TTC23L: variants seen among roughly 807,000 people sequenced by gnomAD.
The protein encoded by TTC23L is tetratricopeptide repeat protein 23-like.
TTC23L carries 42 observed loss-of-function variants against 48.1 expected under a neutral mutation model. The ratio of observed to expected loss-of-function variants is 0.87; its 90% CI spans 0.68 to 1.13. The LOEUF (loss-of-function observed/expected upper bound fraction) is 1.13. Among genes scored for constraint, TTC23L ranks in the 50% most tolerant of loss-of-function variants. TTC23L has a pLI of 0.00. For missense variants in TTC23L, 391 were observed against 421.0 expected, an observed-to-expected ratio of 0.93 and a Z score of 0.62; for synonymous variants, 159 against 157.2, an observed-to-expected ratio of 1.01 and a Z score of -0.09.
At chr5:34,870,155 A>G (rs1761355386) in intron 8 of TTC23L, among the ~76,000 whole-genome samples, 1 of 151,956 alleles carries the variant, frequency 6.6e-6, no homozygotes, top group Admixed American at 6.5e-5. Flanking sequence ...TTAAAAATAT[A>G]GATTTTTATA....
downstream of TTC23L, chr5:34,902,292 T>C: frequency 5.1e-6 from 1 of 194,560 alleles, no homozygotes; most frequent in Non-Finnish European, 1.1e-5. Flanking sequence ...GGTGGGTGCC[T>C]GTAATCCCAG....
chr5:34,845,656 C>T (rs1298367840), exon 3 of TTC23L: 16 of 1,601,648 alleles, frequency 1.0e-5, no homozygotes, highest in Non-Finnish European at 1.3e-5. Flanking sequence ...AGTAGCTCAG[C>T]TGATTAAGGA....
intron 4 of TTC23L, among the ~76,000 whole-genome samples, chr5:34,851,885 G>A (rs1001621109): frequency 1.3e-5 from 2 of 152,116 alleles, no homozygotes; most frequent in African/African-American, 2.4e-5. Context: ...GGAGCACACA[G>A]GGGTCTTATG....
chr5:34,840,177 C>T (rs1333103007), intron 1 of TTC23L, among the ~76,000 whole-genome samples: 1 of 148,898 alleles, frequency 6.7e-6, no homozygotes, highest in Admixed American at 6.8e-5. Flanking sequence ...CAGGCGTGAG[C>T]CTCTGTACCC....
intron 3 of TTC23L, among the ~76,000 whole-genome samples, chr5:34,848,740 G>T (rs1046956100): frequency 1.3e-5 from 2 of 152,128 alleles, no homozygotes; most frequent in African/African-American, 4.8e-5. Flanking sequence ...TTCAGGAACC[G>T]CTGGTCAGTG....
intron 9 of TTC23L, among the ~76,000 whole-genome samples, chr5:34,890,472 G>C (rs1390703498): frequency 6.6e-6 from 1 of 150,616 alleles, no homozygotes; most frequent in Admixed American, 6.6e-5. Context: ...AAAAGGTTGG[G>C]TATTTTGTTC....
chr5:34,899,753 G>C (rs1042278318), downstream of TTC23L, among the ~76,000 whole-genome samples: 17 of 152,288 alleles, frequency 1.1e-4, no homozygotes, highest in East Asian at 3.9e-4. Context: ...TTAGCTGGGC[G>C]TGGTGACACA....
At chr5:34,910,845 C>A in the TTC23L span, among the ~76,000 whole-genome samples, 1 of 152,120 alleles carries the variant, frequency 6.6e-6, no homozygotes, top group Non-Finnish European at 1.5e-5. Flanking sequence ...TATTTAGATC[C>A]TCTCTCTAAA....
At chr5:34,868,690 C>A in intron 7 of TTC23L, 1 of 470,038 alleles carries the variant, frequency 2.1e-6, no homozygotes, top group Non-Finnish European at 3.9e-6. Context: ...TGATGAGCAC[C>A]GTGCCCTGTG....
At chr5:34,860,279 G>A (rs543697872) in intron 4 of TTC23L, among the ~76,000 whole-genome samples, 2 of 152,224 alleles carry the variant, frequency 1.3e-5, no homozygotes, top group East Asian at 3.9e-4. Context: ...CTGTCTTCAA[G>A]GCCTCAAGCT....
chr5:34,915,959 T>C, the TTC23L span: 1 of 1,471,618 alleles, frequency 6.8e-7, no homozygotes, highest in Non-Finnish European at 9.0e-7. Flanking sequence ...TTTCTTGGGT[T>C]ACTTACTTGA....
chr5:34,899,611 C>T (rs1185243960), downstream of TTC23L, among the ~76,000 whole-genome samples: 2 of 152,186 alleles, frequency 1.3e-5, no homozygotes, highest in African/African-American at 4.8e-5. Flanking sequence ...AGGATCCTGG[C>T]TGGGCGCGGT....
Position 34,852,993 on chromosome 5 carries a change from C to T in TTC23L, c.379+2685C>T, listed in dbSNP as rs112928611. On this transcript the variant is annotated intron_variant, in intron 4 of 10. Coordinates refer to ENST00000505624, the Ensembl canonical transcript of TTC23L. ...ATCACCAGAACAGCATGGGAAAACC[C>T]TGCCCCTGTGATTGAATTACCTCCC... Among the ~76,000 whole-genome samples the T allele has an allele frequency of 6.5e-3, 985 of 152,246 alleles. 8 individuals carry two copies. Among genetic ancestry groups the T allele is most frequent in the Middle Eastern group, 0.01 (3 of 294 alleles).
At chr5:34,918,662 G>C in the TTC23L span, 1 of 479,654 alleles carries the variant, frequency 2.1e-6, no homozygotes, top group Non-Finnish European at 3.7e-6. Context: ...ATTTCATTAG[G>C]TAGATTCTTT....
chr5:34,894,941 A>G (rs773347579), intron 9 of TTC23L, among the ~76,000 whole-genome samples: 4 of 152,104 alleles, frequency 2.6e-5, no homozygotes, highest in Admixed American at 6.6e-5. Flanking sequence ...GAAGATGACA[A>G]TGATTGCAGA....
chr5:34,914,837 G>C, the TTC23L span: 2 of 1,614,186 alleles, frequency 1.2e-6, no homozygotes, highest in Non-Finnish European at 8.5e-7. Context: ...GTCAAGGCTG[G>C]CCACAAGGCT....
chr5:34,905,615 CAGTA>C, the TTC23L span: 2 of 151,876 alleles, frequency 1.3e-5, no homozygotes, highest in Admixed American at 1.3e-4. Flanking sequence ...TATCCATTCA[CAGTA>C]AGCACCATTT....
the TTC23L span, among the ~76,000 whole-genome samples, chr5:34,917,250 G>C: frequency 6.6e-6 from 1 of 152,198 alleles, no homozygotes; most frequent in African/African-American, 2.4e-5. Flanking sequence ...TGATGTAGAC[G>C]TGAAAATCTA....
the TTC23L span, chr5:34,925,180 TTTA>T: frequency 6.6e-7 from 1 of 1,504,436 alleles, no homozygotes; most frequent in Non-Finnish European, 8.9e-7. Flanking sequence ...ATATAAAATG[TTTA>T]TTTTTATTTC....
Sources: gnomAD v4.1 joint callset for allele counts (sites outside exome capture counted in the v4.1 genomes callset) on GRCh38, gnomAD v4.1.1 for gene constraint, MANE v1.5 for transcripts, NCBI Gene and HGNC (gene_info 2026-07-23, HGNC 2026-07-21) for gene names.